The following LYPD6 variants were observed in gnomAD, a reference collection of about 807,000 sequenced individuals.
The protein encoded by LYPD6 is ly6/PLAUR domain-containing protein 6.
LYPD6 carries 15 observed loss-of-function variants against 22.7 expected under a neutral mutation model. The ratio of observed to expected loss-of-function variants is 0.66; its 90% CI spans 0.44 to 1.02. The LOEUF is 1.02. LYPD6 is among the 50% of genes least tolerant of loss of function. The pLI is 0.00. For synonymous variants in LYPD6, 72 were observed against 77.5 expected (o/e 0.93, Z 0.37); for missense variants, 189 against 208.4 (o/e 0.91, Z 0.57).
At chr2:149,334,951 C>T (rs1681008034) in intron 1 of LYPD6, among the ~76,000 whole-genome samples, 1 of 152,098 alleles carries the variant, frequency 6.6e-6, no homozygotes, top group Non-Finnish European at 1.5e-5. Context: ...CGTGGCACAA[C>T]ACATTACTTA....
At chr2:149,358,316 A>G (rs1573739250) in intron 1 of LYPD6, among the ~76,000 whole-genome samples, 1 of 152,296 alleles carries the variant, frequency 6.6e-6, no homozygotes, top group East Asian at 1.9e-4. Context: ...AAAACATACT[A>G]GGGACGTATA....
At position 149,471,133 on chromosome 2, in the gene LYPD6, C is replaced by G. The variant is rs535638742; in HGVS notation, c.*283C>G. The G allele has an allele frequency of 7.2e-6, 2 of 277,456 alleles. No individual in the cohort carries two copies. Among genetic ancestry groups the G allele is most frequent in the East Asian group, 1.2e-4 (2 of 16,288 alleles). 17.2% of individuals were successfully genotyped at this position (277,456 alleles called of 1,614,324 possible). ...GAAGTAGTTCTGCATTTATCGAGAT[C>G]TGGGGTTCTTAATTTGGAAGAATAC... On this transcript the variant is annotated 3_prime_UTR_variant, in exon 5 of 5. Coordinates refer to ENST00000334166, the MANE Select transcript of LYPD6 (RefSeq NM_194317.5).
At position 149,433,938 on chromosome 2, in the gene LYPD6, T is replaced by C. The variant is rs571721906; in HGVS notation, c.-71-3700T>C. Among the ~76,000 whole-genome samples, 244 of 152,202 alleles carry C rather than the reference T, an allele frequency of 1.6e-3. 1 individual carries two copies. Among genetic ancestry groups the C allele is most frequent in the Non-Finnish European group, 2.5e-3 (170 of 68,032 alleles). On this transcript the variant is annotated intron_variant, in intron 1 of 4. Coordinates refer to ENST00000334166, the MANE Select transcript of LYPD6 (RefSeq NM_194317.5). ...TATCAGAAAGGATGTGGAATCATGA[T>C]ATATTGTGAAGACATCTCCCACCAT...
At chr2:149,357,698 C>A (rs2105064838) in intron 1 of LYPD6, among the ~76,000 whole-genome samples, 1 of 151,546 alleles carries the variant, frequency 6.6e-6, no homozygotes, top group South Asian at 2.1e-4. Context: ...ACATTTTATT[C>A]AATTAATTTT....
At chr2:149,434,145 A>G (rs1683381094) in intron 1 of LYPD6, among the ~76,000 whole-genome samples, 1 of 152,118 alleles carries the variant, frequency 6.6e-6, no homozygotes, top group African/African-American at 2.4e-5. Flanking sequence ...TTGCAAACCA[A>G]TTAGACGATA....
chr2:149,448,856 A>G (rs1243306990), intron 2 of LYPD6, among the ~76,000 whole-genome samples, 193 bp from the exon 3 acceptor site: 1 of 152,178 alleles, frequency 6.6e-6, no homozygotes, highest in Non-Finnish European at 1.5e-5. Context: ...AGATTTTTGC[A>G]TGTATACAAA....
intron 1 of LYPD6, among the ~76,000 whole-genome samples, chr2:149,352,634 A>G (rs1458338339): frequency 6.6e-6 from 1 of 152,198 alleles, no homozygotes; most frequent in East Asian, 1.9e-4. Flanking sequence ...AAGTTTTGTT[A>G]GAACTCAGCC....
rs371403518 is a variant in LYPD6, at chr2:149,359,152, G to GA, written c.-72+28438dup. Among the ~76,000 whole-genome samples the GA allele has an allele frequency of 6.1e-3, 934 of 151,944 alleles. 5 individuals are homozygous for GA. Among genetic ancestry groups the GA allele is most frequent in the African/African-American group, 0.021 (883 of 41,430 alleles). On this transcript the variant is annotated intron_variant, in intron 1 of 4. Coordinates refer to ENST00000334166, the MANE Select transcript of LYPD6 (RefSeq NM_194317.5). ...GGGAATGGAACATAAAACAGAAATG[G>GA]AAAAAAAATTAACATTATATATGTC... is the stretch of plus-strand genomic sequence containing the variant.
At chr2:149,349,182 G>A (rs959379353) in intron 1 of LYPD6, among the ~76,000 whole-genome samples, 1 of 152,132 alleles carries the variant, frequency 6.6e-6, no homozygotes, top group Non-Finnish European at 1.5e-5. Flanking sequence ...GAGACATCTG[G>A]GCTGAAGATG....
chr2:149,428,203 G>A (rs1573799771), intron 1 of LYPD6, among the ~76,000 whole-genome samples: 1 of 152,156 alleles, frequency 6.6e-6, no homozygotes, highest in South Asian at 2.1e-4. Flanking sequence ...AATGTAAAAA[G>A]CATATTTATT....
intron 1 of LYPD6, among the ~76,000 whole-genome samples, chr2:149,401,418 C>G (rs1682553119): frequency 6.6e-6 from 1 of 152,216 alleles, no homozygotes; most frequent in African/African-American, 2.4e-5. Flanking sequence ...CCATTCCCCT[C>G]TATCTTTGTT....
chr2:149,474,397 A>G (rs539344775), downstream of LYPD6, among the ~76,000 whole-genome samples: 26 of 152,122 alleles, frequency 1.7e-4, no homozygotes, highest in Non-Finnish European at 1.9e-4. Context: ...TTGCAGAGAC[A>G]GGATCCAACT....
chr2:149,454,103 C>T (rs1680898080), intron 3 of LYPD6, among the ~76,000 whole-genome samples: 1 of 152,190 alleles, frequency 6.6e-6, no homozygotes, highest in South Asian at 2.1e-4. Context: ...CAGATGATCT[C>T]TCATCATATT....
At chr2:149,484,503 G>A in the LYPD6 span, among the ~76,000 whole-genome samples, 1 of 151,988 alleles carries the variant, frequency 6.6e-6, no homozygotes, top group African/African-American at 2.4e-5. Flanking sequence ...GACCATAAAT[G>A]GCAGAGAAAA....
rs6721340 is a variant in LYPD6, at chr2:149,473,486, G to A, written c.*2636G>A. ...ATTGGTAATGGCTTAAGTGTAAAGAGCCATGATGTGTATATTAAGCTATGT... is the reference window on the plus strand; with the variant it reads ...ATTGGTAATGGCTTAAGTGTAAAGAACCATGATGTGTATATTAAGCTATGT... On this transcript the variant is annotated 3_prime_UTR_variant, in exon 5 of 5. Transcript: ENST00000334166. 0.014 allele frequency: 2,164 copies of A among 152,702 alleles called. 29 individuals carry two copies. The highest frequency in any genetic ancestry group is 0.018 in the African/African-American group (749 of 41,562). The allele number at this position is 152,702 out of a possible 1,614,324, so 9.5% of individuals were successfully genotyped here. A position where few individuals can be genotyped will look rare whatever the true frequency, so the allele number is the denominator to read the frequency against.
the LYPD6 span, among the ~76,000 whole-genome samples, chr2:149,482,529 G>C: frequency 6.6e-6 from 1 of 152,142 alleles, no homozygotes; most frequent in Admixed American, 6.5e-5. Context: ...CTTATACCAG[G>C]AGTCAGACCT....
chr2:149,351,385 C>A (rs1483281312), intron 1 of LYPD6, among the ~76,000 whole-genome samples: 3 of 119,584 alleles, frequency 2.5e-5, no homozygotes, highest in East Asian at 2.8e-4. Flanking sequence ...CAGAGTGAGA[C>A]TCCATCTAAA....
At chr2:149,465,451 A>G (rs1681179086) in intron 3 of LYPD6, among the ~76,000 whole-genome samples, 1 of 152,192 alleles carries the variant, frequency 6.6e-6, no homozygotes, top group Non-Finnish European at 1.5e-5. Context: ...TATTACTATT[A>G]AAGTATTTTC....
In LYPD6 at chr2:149,471,991, TTTTC is replaced by T. The variant is rs1316840458; in HGVS notation, c.*1149_*1152del. On this transcript the variant is annotated 3_prime_UTR_variant, in exon 5 of 5. Transcript: ENST00000334166. ...CTAACAAGGAGACTCAATGGGAAGT[TTTTC>T]TTTCTTTTAGATATTGCTTTTGAAG... 6.6e-6 allele frequency: 1 copy of T among 152,668 alleles called. No homozygotes were observed. The highest frequency in any genetic ancestry group is 1.9e-4 in the East Asian group (1 of 5,176). The allele number at this position is 152,668 out of a possible 1,614,324, so 9.5% of individuals were successfully genotyped here.
Sources: gnomAD v4.1 joint callset for allele counts (sites outside exome capture counted in the v4.1 genomes callset) on GRCh38, gnomAD v4.1.1 for gene constraint, MANE v1.5 for transcripts, NCBI Gene and HGNC (gene_info 2026-07-23, HGNC 2026-07-21) for gene names.